Variants in AUTS2 observed in about 807,000 individuals in gnomAD.
AUTS2 encodes activator of transcription and developmental regulator AUTS2.
Under a neutral mutation model 112.4 loss-of-function variants are expected in AUTS2, and 17 were observed. That is an observed-to-expected ratio of 0.15 (90% confidence interval 0.10 to 0.23). The LOEUF (loss-of-function observed/expected upper bound fraction) is 0.23. Among genes scored for constraint, AUTS2 ranks in the 10% least tolerant of loss-of-function variants. The pLI, the probability that AUTS2 is intolerant of heterozygous loss-of-function variation, is 1.00. For missense variants in AUTS2, 1,510 were observed against 1,701.6 expected (o/e 0.89, Z 1.98); for synonymous variants, 751 against 702.7 (o/e 1.07, Z -1.09).
intron 4 of AUTS2, among the ~76,000 whole-genome samples, chr7:70,372,818 T>C (rs1792901352): frequency 6.6e-6 from 1 of 152,020 alleles, no homozygotes; most frequent in Non-Finnish European, 1.5e-5. Flanking sequence ...AGGGGACTAA[T>C]CTGCTGAATG....
intron 4 of AUTS2, among the ~76,000 whole-genome samples, chr7:70,146,043 C>A (rs1365261142): frequency 1.3e-5 from 2 of 152,078 alleles, no homozygotes; most frequent in African/African-American, 4.8e-5. Context: ...AGGATAAAAT[C>A]AATGCAAAGC....
chr7:70,249,155 AT>A (rs1813081236), intron 4 of AUTS2, among the ~76,000 whole-genome samples: 1 of 152,010 alleles, frequency 6.6e-6, no homozygotes, highest in African/African-American at 2.4e-5. Flanking sequence ...CTTTAATGTA[AT>A]TTGTTCTTTT....
At chr7:70,193,932 C>G (rs1810036636) in intron 4 of AUTS2, among the ~76,000 whole-genome samples, 1 of 152,130 alleles carries the variant, frequency 6.6e-6, no homozygotes, top group Non-Finnish European at 1.5e-5. Context: ...ATGAATTTAG[C>G]ATAATGAATT....
At chr7:69,601,155 A>G (rs1361832475) in intron 1 of AUTS2, among the ~76,000 whole-genome samples, 1 of 151,702 alleles carries the variant, frequency 6.6e-6, no homozygotes, top group African/African-American at 2.4e-5. Context: ...ATGCACACAC[A>G]CACAGAAGGC....
intron 5 of AUTS2, among the ~76,000 whole-genome samples, chr7:70,622,340 C>T (rs562240273): frequency 1.3e-5 from 2 of 152,232 alleles, no homozygotes; most frequent in East Asian, 3.9e-4. Context: ...TCACCTCATC[C>T]TGCCGTCTAG....
At chr7:70,013,849 C>CT in intron 2 of AUTS2, among the ~76,000 whole-genome samples, 1 of 152,276 alleles carries the variant, frequency 6.6e-6, no homozygotes, top group South Asian at 2.1e-4. Flanking sequence ...TCCCAAGTAG[C>CT]TGGGACTACA....
intron 4 of AUTS2, among the ~76,000 whole-genome samples, chr7:70,259,231 C>T (rs563878144): frequency 6.6e-6 from 1 of 152,226 alleles, no homozygotes; most frequent in African/African-American, 2.4e-5. Flanking sequence ...TACCTTACTT[C>T]CTGACAGGTA....
chr7:70,044,700 C>T (rs6951909), intron 2 of AUTS2, among the ~76,000 whole-genome samples: 38,427 of 152,032 alleles, frequency 0.25, 4,838 homozygotes, highest in Middle Eastern at 0.34. Flanking sequence ...TCATAGCCTC[C>T]GCCACCATCA....
In AUTS2 at chr7:69,680,818, C is replaced by T. The variant is rs576217197; in HGVS notation, c.309+80856C>T. 3.9e-5 allele frequency among the ~76,000 whole-genome samples: 6 copies of T among 152,154 alleles called. No individual in the cohort carries two copies. In the East Asian group the frequency reaches 9.7e-4, roughly 25 times the overall value. On this transcript the variant is annotated intron_variant, in intron 1 of 18. Transcript: ENST00000342771. ...CTGAGTAGCTGGGATTACGGGCTCGCGCCACCATACCCAGCTAATTTTTGT... is the reference window on the plus strand; with the variant it reads ...CTGAGTAGCTGGGATTACGGGCTCGTGCCACCATACCCAGCTAATTTTTGT...
intron 4 of AUTS2, among the ~76,000 whole-genome samples, chr7:70,288,040 A>G (rs2129611494): frequency 6.6e-6 from 1 of 152,308 alleles, no homozygotes; most frequent in African/African-American, 2.4e-5. Context: ...AAGCCTCTAA[A>G]GATATGAGGC....
At chr7:70,339,740 G>A (rs796961458) in intron 4 of AUTS2, among the ~76,000 whole-genome samples, 2 of 152,242 alleles carry the variant, frequency 1.3e-5, no homozygotes, top group African/African-American at 4.8e-5. Flanking sequence ...ATTGTTCAAG[G>A]TGGGGTAGAG....
chr7:70,674,625 T>G (rs1196378798), intron 5 of AUTS2, among the ~76,000 whole-genome samples: 1 of 152,218 alleles, frequency 6.6e-6, no homozygotes, highest in African/African-American at 2.4e-5. Context: ...CTCCACCTCC[T>G]CTGCCGCTGC....
intron 1 of AUTS2, among the ~76,000 whole-genome samples, chr7:69,770,726 G>T (rs210605): frequency 0.15 from 23,005 of 152,070 alleles, 1,989 homozygotes; most frequent in Admixed American, 0.23. Flanking sequence ...ACAACAGAAG[G>T]CTGACATTTC....
At chr7:70,379,493 A>G (rs1185764148) in intron 4 of AUTS2, among the ~76,000 whole-genome samples, 1 of 150,368 alleles carries the variant, frequency 6.7e-6, no homozygotes. Context: ...CAGAGCGAGC[A>G]TCCGTCTCAA....
At chr7:70,279,352 A>G (rs1047734099) in intron 4 of AUTS2, among the ~76,000 whole-genome samples, 1 of 152,208 alleles carries the variant, frequency 6.6e-6, no homozygotes, top group African/African-American at 2.4e-5. Flanking sequence ...GTTCAGATGT[A>G]CTGGACTCCC....
chr7:69,809,767 A>G (rs1790465191), intron 1 of AUTS2, among the ~76,000 whole-genome samples: 1 of 152,212 alleles, frequency 6.6e-6, no homozygotes. Context: ...TAGGTACAAC[A>G]GATTGTTCTG....
chr7:70,141,893 A>G (rs895353134), intron 4 of AUTS2, among the ~76,000 whole-genome samples: 4 of 152,180 alleles, frequency 2.6e-5, no homozygotes, highest in African/African-American at 9.7e-5. Context: ...CAACAGGATG[A>G]CTTTTCCAGC....
intron 4 of AUTS2, among the ~76,000 whole-genome samples, chr7:70,356,459 A>T (rs889284504): frequency 2.0e-5 from 3 of 152,240 alleles, no homozygotes; most frequent in African/African-American, 7.2e-5. Context: ...GAACCTAATC[A>T]TTTGAGGAGA....
chr7:69,984,465 C>G (rs1798425859), intron 2 of AUTS2, among the ~76,000 whole-genome samples: 1 of 149,634 alleles, frequency 6.7e-6, no homozygotes, highest in African/African-American at 2.5e-5. Flanking sequence ...TTGATAGGTT[C>G]TTTAATAAAT....
Sources: gnomAD v4.1 joint callset for allele counts (sites outside exome capture counted in the v4.1 genomes callset) on GRCh38, gnomAD v4.1.1 for gene constraint, MANE v1.5 for transcripts, NCBI Gene and HGNC (gene_info 2026-07-23, HGNC 2026-07-21) for gene names.